The following CSMD1 variants were observed in gnomAD, a reference collection of about 807,000 sequenced individuals.
CSMD1 encodes the protein CUB and Sushi multiple domains 1, also known as CUB and sushi domain-containing protein 1.
CSMD1 carries 213 observed loss-of-function variants against 417.5 expected under a neutral mutation model. The ratio of observed to expected loss-of-function variants is 0.51; its 90% CI spans 0.46 to 0.57. The LOEUF (loss-of-function observed/expected upper bound fraction) is 0.57, where lower values mean the gene tolerates loss of function less well. CSMD1 is among the 20% of genes least tolerant of loss of function. CSMD1 has a pLI of 0.00. For missense variants in CSMD1, 6,923 were observed against 4,529.7 expected (o/e 1.53, Z -15.17); for synonymous variants, 2,862 against 1,736.8 (o/e 1.65, Z -16.11).
At chr8:3,801,793 T>G (rs1180856554) in intron 5 of CSMD1, among the ~76,000 whole-genome samples, 1 of 152,082 alleles carries the variant, frequency 6.6e-6, no homozygotes, top group African/African-American at 2.4e-5. Flanking sequence ...TACGGGTCAT[T>G]AAAAATCAAC....
At chr8:3,051,356 T>C (rs1044452540) in intron 50 of CSMD1, among the ~76,000 whole-genome samples, 5 of 152,136 alleles carry the variant, frequency 3.3e-5, no homozygotes, top group South Asian at 2.1e-4. Context: ...GAAAACCAAA[T>C]AGCACATTTT....
intron 1 of CSMD1, among the ~76,000 whole-genome samples, chr8:4,702,048 A>T (rs1383072472): frequency 6.6e-6 from 1 of 152,174 alleles, no homozygotes; most frequent in Non-Finnish European, 1.5e-5. Context: ...TATAAGTGGG[A>T]GCTGAACAAT....
intron 4 of CSMD1, among the ~76,000 whole-genome samples, chr8:4,030,688 T>C (rs953569223): frequency 5.3e-5 from 8 of 152,346 alleles, no homozygotes; most frequent in South Asian, 2.1e-4. Context: ...TTGTTACTTA[T>C]ACAAATTTCT....
intron 5 of CSMD1, among the ~76,000 whole-genome samples, chr8:3,911,992 A>G (rs192718852): frequency 3.2e-4 from 49 of 152,316 alleles, no homozygotes; most frequent in Non-Finnish European, 1.5e-5. Flanking sequence ...ACCGATAAAA[A>G]TAGTTCAAAG....
chr8:4,327,952 C>G (rs1207761546), intron 3 of CSMD1, among the ~76,000 whole-genome samples: 1 of 152,140 alleles, frequency 6.6e-6, no homozygotes, highest in Non-Finnish European at 1.5e-5. Flanking sequence ...CCACTGTGAT[C>G]TAGAAGTTGA....
At chr8:4,407,188 T>C (rs990604548) in intron 3 of CSMD1, among the ~76,000 whole-genome samples, 3 of 152,172 alleles carry the variant, frequency 2.0e-5, no homozygotes, top group Non-Finnish European at 4.4e-5. Context: ...AGTTTGCCAG[T>C]CCTCTTTAGA....
chr8:3,745,208 G>T (rs1197370724), intron 6 of CSMD1, among the ~76,000 whole-genome samples: 1 of 151,952 alleles, frequency 6.6e-6, no homozygotes, highest in African/African-American at 2.4e-5. Context: ...TATTTTTTGG[G>T]GTAGTAAATT....
chr8:4,108,703 A>T (rs761672000), intron 3 of CSMD1, among the ~76,000 whole-genome samples: 22 of 151,574 alleles, frequency 1.5e-4, no homozygotes, highest in Non-Finnish European at 2.7e-4. Flanking sequence ...AGCAGACAAT[A>T]CTTAAAATAA....
intron 18 of CSMD1, chr8:3,373,511 T>C (rs1019078026): frequency 1.3e-5 from 2 of 152,204 alleles, no homozygotes; most frequent in African/African-American, 2.4e-5. Context: ...AAATTTGATG[T>C]ATGGAGAATT....
chr8:4,287,656 G>GTATTAT (rs57908266), intron 3 of CSMD1, among the ~76,000 whole-genome samples: 20,578 of 145,934 alleles, frequency 0.14, 1,682 homozygotes, highest in Non-Finnish European at 0.18. Flanking sequence ...GTCATAGGTG[G>GTATTAT]TATTATTATT....
At chr8:4,550,206 G>A (rs938295661) in intron 2 of CSMD1, among the ~76,000 whole-genome samples, 4 of 151,840 alleles carry the variant, frequency 2.6e-5, no homozygotes, top group Admixed American at 2.0e-4. Context: ...AACTTTCCCT[G>A]TACCTCTTGA....
intron 1 of CSMD1, among the ~76,000 whole-genome samples, chr8:4,862,835 C>G (rs1445291528): frequency 6.6e-6 from 1 of 151,960 alleles, no homozygotes; most frequent in African/African-American, 2.4e-5. Flanking sequence ...TGAAGACCTC[C>G]CAAGTGTGAC....
chr8:4,794,183 A>T (rs958663455), intron 1 of CSMD1, among the ~76,000 whole-genome samples: 3 of 152,164 alleles, frequency 2.0e-5, no homozygotes, highest in Non-Finnish European at 2.9e-5. Flanking sequence ...ATTGTTAAAT[A>T]TATTATTTTA....
chr8:4,099,940 G>C (rs1372561773), intron 3 of CSMD1, among the ~76,000 whole-genome samples: 1 of 152,154 alleles, frequency 6.6e-6, no homozygotes, highest in Middle Eastern at 3.2e-3. Flanking sequence ...AACAACAATA[G>C]TGAATAAAAA....
At chr8:4,951,159 T>A (rs1429895935) in intron 1 of CSMD1, among the ~76,000 whole-genome samples, 1 of 152,150 alleles carries the variant, frequency 6.6e-6, no homozygotes, top group Non-Finnish European at 1.5e-5. Context: ...TGTTTCTGCA[T>A]CACTCCTTGC....
At chr8:3,031,372 A>C (rs1284562805) in intron 50 of CSMD1, among the ~76,000 whole-genome samples, 2 of 151,278 alleles carry the variant, frequency 1.3e-5, no homozygotes, top group African/African-American at 4.9e-5. Flanking sequence ...CTAAATGATG[A>C]GTTAATGGGT....
At chr8:4,441,706 G>C (rs193014975) in intron 2 of CSMD1, among the ~76,000 whole-genome samples, 5 of 151,932 alleles carry the variant, frequency 3.3e-5, no homozygotes, top group Non-Finnish European at 7.4e-5. Context: ...CAATTAAAAC[G>C]TTTGAGGTAC....
intron 5 of CSMD1, among the ~76,000 whole-genome samples, chr8:3,833,097 C>T (rs2129088716): frequency 1.3e-5 from 2 of 152,036 alleles, no homozygotes; most frequent in East Asian, 3.9e-4. Flanking sequence ...TTTATTTTTT[C>T]AAAAACAACT....
At chr8:3,587,515 TA>T (rs34781919) in intron 8 of CSMD1, among the ~76,000 whole-genome samples, 56,356 of 151,896 alleles carry the variant, frequency 0.37, 11,141 homozygotes, top group Middle Eastern at 0.45. Flanking sequence ...GAAACATAAA[TA>T]GATGCTTTCC....
Sources: gnomAD v4.1 joint callset for allele counts (sites outside exome capture counted in the v4.1 genomes callset) on GRCh38, gnomAD v4.1.1 for gene constraint, MANE v1.5 for transcripts, NCBI Gene and HGNC (gene_info 2026-07-23, HGNC 2026-07-21) for gene names.